NCKAP5: variants seen among roughly 807,000 people sequenced by gnomAD.
The protein encoded by NCKAP5 is NCK associated protein 5.
Under a neutral mutation model 167.0 loss-of-function variants are expected in NCKAP5, and 92 were observed. The ratio of observed to expected loss-of-function variants is 0.55; its 90% CI spans 0.47 to 0.66. The LOEUF (loss-of-function observed/expected upper bound fraction) is 0.66, where lower values mean the gene tolerates loss of function less well. Ranked by LOEUF, NCKAP5 falls within the 30% of genes least tolerant of loss-of-function variation. The pLI, the probability that NCKAP5 is intolerant of heterozygous loss-of-function variation, is 0.00. For synonymous variants in NCKAP5, 891 were observed against 877.4 expected, an observed-to-expected ratio of 1.02 and a Z score of -0.27; for missense variants, 2,378 against 2,315.0, an observed-to-expected ratio of 1.03 and a Z score of -0.56.
intron 3 of NCKAP5, among the ~76,000 whole-genome samples, chr2:133,424,172 G>T (rs1181920761): frequency 6.6e-6 from 1 of 152,086 alleles, no homozygotes; most frequent in Non-Finnish European, 1.5e-5. Context: ...TAGGTGTCAG[G>T]GAGTACTGTG....
chr2:133,537,785 C>A (rs1685876350), intron 2 of NCKAP5, among the ~76,000 whole-genome samples: 1 of 152,004 alleles, frequency 6.6e-6, no homozygotes, highest in South Asian at 2.1e-4. Flanking sequence ...TACAGTATAT[C>A]TGAATTAAAC....
intron 3 of NCKAP5, among the ~76,000 whole-genome samples, chr2:133,425,398 C>T (rs974033887): frequency 5.3e-5 from 8 of 152,182 alleles, no homozygotes; most frequent in Middle Eastern, 3.4e-3. Flanking sequence ...GTGAAACATC[C>T]TTGGAAAGTA....
At chr2:132,994,625 C>T (rs1227604997) in intron 6 of NCKAP5, among the ~76,000 whole-genome samples, 1 of 152,194 alleles carries the variant, frequency 6.6e-6, no homozygotes, top group African/African-American at 2.4e-5. Context: ...TATAGGAATG[C>T]ACTCTTCCCA....
At chr2:133,667,390 T>C in the NCKAP5 span, among the ~76,000 whole-genome samples, 1 of 152,112 alleles carries the variant, frequency 6.6e-6, no homozygotes, top group Non-Finnish European at 1.5e-5. Flanking sequence ...ACAGGATGTC[T>C]GCTGTATCTG....
At chr2:133,634,627 T>G in the NCKAP5 span, among the ~76,000 whole-genome samples, 1 of 152,306 alleles carries the variant, frequency 6.6e-6, no homozygotes, top group Admixed American at 6.5e-5. Flanking sequence ...TTTCTAAATA[T>G]AGAAACATTT....
At chr2:133,189,318 G>A (rs1269522174) in intron 5 of NCKAP5, among the ~76,000 whole-genome samples, 1 of 152,202 alleles carries the variant, frequency 6.6e-6, no homozygotes, top group African/African-American at 2.4e-5. Context: ...AAAAAGTCCA[G>A]GATCAGATGG....
intron 8 of NCKAP5, among the ~76,000 whole-genome samples, chr2:132,948,302 A>T (rs2076053492): frequency 6.6e-6 from 1 of 152,130 alleles, no homozygotes; most frequent in South Asian, 2.1e-4. Context: ...GTGGATTTGC[A>T]GCTCATTGCA....
chr2:132,975,713 A>G, intron 7 of NCKAP5, among the ~76,000 whole-genome samples: 1 of 152,174 alleles, frequency 6.6e-6, no homozygotes, highest in Non-Finnish European at 1.5e-5. Flanking sequence ...AACCAAAAAC[A>G]GAAAGTAAGA....
intron 4 of NCKAP5, among the ~76,000 whole-genome samples, chr2:133,225,908 G>A (rs374453362): frequency 2.7e-5 from 4 of 145,474 alleles, no homozygotes; most frequent in East Asian, 2.2e-4. Flanking sequence ...TCAGCCTCCC[G>A]AGTAGCTGGG....
At chr2:133,273,043 T>C (rs1171487197) in intron 4 of NCKAP5, among the ~76,000 whole-genome samples, 1 of 152,198 alleles carries the variant, frequency 6.6e-6, no homozygotes, top group Non-Finnish European at 1.5e-5. Flanking sequence ...TGGGCATATG[T>C]ATTCATTTCT....
At chr2:133,178,478 C>A (rs1210623654) in intron 5 of NCKAP5, among the ~76,000 whole-genome samples, 3 of 124,254 alleles carry the variant, frequency 2.4e-5, no homozygotes, top group African/African-American at 3.3e-5. Flanking sequence ...GCACTCCAGC[C>A]TGGGTGACAC....
chr2:133,586,364 C>T, the NCKAP5 span, among the ~76,000 whole-genome samples: 3 of 152,230 alleles, frequency 2.0e-5, no homozygotes, highest in South Asian at 4.1e-4. Context: ...GCCCCCTGTA[C>T]TTGACGTTGA....
At chr2:133,101,315 A>G (rs2081506589) in intron 6 of NCKAP5, among the ~76,000 whole-genome samples, 1 of 140,548 alleles carries the variant, frequency 7.1e-6, no homozygotes, top group Non-Finnish European at 1.5e-5. Flanking sequence ...GCCTTGTAGT[A>G]TAGTTTGAAG....
At chr2:133,601,240 A>G in the NCKAP5 span, among the ~76,000 whole-genome samples, 1 of 152,356 alleles carries the variant, frequency 6.6e-6, no homozygotes, top group East Asian at 1.9e-4. Flanking sequence ...GTCTTTTGAA[A>G]TGAAACACAA....
chr2:133,522,456 T>G (rs1382692195), intron 2 of NCKAP5, among the ~76,000 whole-genome samples: 1 of 152,252 alleles, frequency 6.6e-6, no homozygotes, highest in Non-Finnish European at 1.5e-5. Context: ...TACCTGGATT[T>G]GTTATTGTCA....
intron 5 of NCKAP5, among the ~76,000 whole-genome samples, chr2:133,211,742 G>A (rs138537318): frequency 7.2e-5 from 11 of 152,196 alleles, no homozygotes; most frequent in African/African-American, 1.9e-4. Context: ...CAATACAAAC[G>A]TGTGATTTTT....
At chr2:133,221,185 C>T (rs144641755) in intron 4 of NCKAP5, among the ~76,000 whole-genome samples, 322 of 152,158 alleles carry the variant, frequency 2.1e-3, no homozygotes, top group Non-Finnish European at 3.5e-3. Context: ...AACATGCTTA[C>T]ATATGAATTT....
intron 3 of NCKAP5, among the ~76,000 whole-genome samples, chr2:133,409,353 G>A (rs936690382): frequency 1.3e-5 from 2 of 152,144 alleles, no homozygotes; most frequent in Admixed American, 6.5e-5. Flanking sequence ...AGAAGCAGAC[G>A]CTAAACATCT....
At chr2:133,568,750 T>G (rs1033579145), upstream of NCKAP5, among the ~76,000 whole-genome samples, 1 of 152,170 alleles carries the variant, frequency 6.6e-6, no homozygotes, top group Non-Finnish European at 1.5e-5. Context: ...GAGGAAAAGT[T>G]TGAAGTGCCA....
Sources: allele counts gnomAD v4.1 joint callset (sites outside exome capture counted in the v4.1 genomes callset), GRCh38; gene constraint gnomAD v4.1.1; transcripts MANE v1.5; gene names NCBI Gene and HGNC (gene_info 2026-07-23, HGNC 2026-07-21).